Variants in PGBD2 observed in about 807,000 individuals in gnomAD.
PGBD2 encodes the protein piggyBac transposable element-derived protein 2.
In PGBD2, 6 loss-of-function variants were observed where a neutral mutation model predicts 8.1. The ratio of observed to expected loss-of-function variants is 0.74; its 90% confidence interval spans 0.40 to 1.46. The LOEUF is 1.46. Among genes scored for constraint, PGBD2 ranks in the 40% most tolerant of loss-of-function variants. The pLI, the probability that PGBD2 is intolerant of heterozygous loss-of-function variation, is 0.02. For missense variants in PGBD2, 802 were observed against 739.0 expected (o/e 1.09, Z -0.99); for synonymous variants, 318 against 272.2 (o/e 1.17, Z -1.66).
the PGBD2 span, among the ~76,000 whole-genome samples, chr1:248,880,433 T>C: frequency 6.6e-6 from 1 of 152,220 alleles, no homozygotes; most frequent in African/African-American, 2.4e-5. Context: ...TGTTCGAGTA[T>C]GGGAATTTTG....
In PGBD2 at chr1:248,917,810, T is replaced by C. The variant is rs140528740; in HGVS notation, c.1226T>C (p.Ile409Thr). ...DYKVDESEEI[I>T]VCRWHDSSVV... Reference sequence around the variant, plus strand: ...AAAGTCGATGAGAGTGAGGAGATCATCGTGTGCCGCTGGCACGATAGCAGC... The same window carrying C: ...AAAGTCGATGAGAGTGAGGAGATCACCGTGTGCCGCTGGCACGATAGCAGC... The change falls in exon 3 of 3, where the codon ATC (isoleucine) becomes ACC (threonine). Residue 409 changes from isoleucine to threonine, a missense_variant. Coordinates refer to ENST00000329291, the MANE Select transcript of PGBD2 (RefSeq NM_170725.3). 6.2e-7 allele frequency: 1 copy of C among 1,614,024 alleles called. No individual in the cohort carries two copies. The highest frequency in any genetic ancestry group is 1.3e-5 in the African/African-American group (1 of 74,894).
At position 248,919,126 on chromosome 1, in the gene PGBD2, A is replaced by G. The variant is rs966981961; in HGVS notation, c.*763A>G. The G allele has an allele frequency of 1.8e-5, 3 of 167,012 alleles. No homozygotes were observed. The highest frequency in any genetic ancestry group is 4.4e-5 in the Non-Finnish European group (3 of 68,118). 10.3% of individuals were successfully genotyped at this position (167,012 alleles called of 1,614,324 possible). On this transcript the variant is annotated 3_prime_UTR_variant, in exon 3 of 3. Coordinates refer to ENST00000329291, the MANE Select transcript of PGBD2 (RefSeq NM_170725.3). ...ACTGTTAGTTATTTTAAAATGTGCAATTAAATTATTTTTAACTATATTCAC... is the reference window on the plus strand; with the variant it reads ...ACTGTTAGTTATTTTAAAATGTGCAGTTAAATTATTTTTAACTATATTCAC...
the PGBD2 span, among the ~76,000 whole-genome samples, chr1:248,879,051 C>T: frequency 5.5e-3 from 838 of 152,252 alleles, 9 homozygotes; most frequent in African/African-American, 0.019. Context: ...AATTTGATGT[C>T]GTTACCTTTT....
chr1:248,893,246 AG>A, the PGBD2 span, among the ~76,000 whole-genome samples: 63 of 152,216 alleles, frequency 4.1e-4, no homozygotes, highest in African/African-American at 1.4e-3. Context: ...ATTCAACATG[AG>A]AAAAATCCTC....
At chr1:248,907,256 C>T (rs1471094621) in intron 1 of PGBD2, among the ~76,000 whole-genome samples, 1 of 152,232 alleles carries the variant, frequency 6.6e-6, no homozygotes, top group East Asian at 1.9e-4. Context: ...TTTCTCTCTG[C>T]CCAAACATTT....
chr1:248,886,737 A>G, the PGBD2 span, among the ~76,000 whole-genome samples: 2 of 152,296 alleles, frequency 1.3e-5, no homozygotes, highest in East Asian at 3.9e-4. Flanking sequence ...TCTGGGAATG[A>G]GGAATGTTGG....
intron 1 of PGBD2, among the ~76,000 whole-genome samples, chr1:248,906,985 A>G (rs1166652763): frequency 6.6e-6 from 1 of 152,086 alleles, no homozygotes; most frequent in Non-Finnish European, 1.5e-5. Flanking sequence ...GAGAAAAGAA[A>G]TAAGACACAG....
chr1:248,930,149 C>T, the PGBD2 span, among the ~76,000 whole-genome samples: 104 of 152,304 alleles, frequency 6.8e-4, no homozygotes, highest in African/African-American at 2.4e-3. Context: ...CTTGAGGCTT[C>T]GGCTGCTCAT....
chr1:248,915,632 A>G (rs1429294598), intron 2 of PGBD2, among the ~76,000 whole-genome samples: 2 of 152,200 alleles, frequency 1.3e-5, no homozygotes, highest in African/African-American at 4.8e-5. Context: ...GAGCACCTGT[A>G]TCACTCACCA....
At chr1:248,879,354 T>C in the PGBD2 span, among the ~76,000 whole-genome samples, 1 of 152,208 alleles carries the variant, frequency 6.6e-6, no homozygotes, top group East Asian at 1.9e-4. Flanking sequence ...CCCTGTTAAT[T>C]CATCTAATTA....
Position 248,916,725 on chromosome 1 carries a change from C to T in PGBD2, c.141C>T (p.Pro47=), listed in dbSNP as rs80272402. The T allele has an allele frequency of 1.7e-3, 2,802 of 1,614,102 alleles. 51 individuals carry two copies. In the African/African-American group the frequency reaches 0.033, roughly 19 times the overall value. The part of the protein sequence containing the change: ...NNREEIFIAP[P]DNAAGEFTDE... ...GGGAAGAGATTTTCATTGCACCTCC[C>T]GACAATGCTGCGGGGGAATTCACTG... Residue 47 remains proline (P), a synonymous_variant, in exon 3 of 3, where the codon CCC becomes CCT. Transcript: ENST00000329291.
chr1:248,916,895 C>T lies in PGBD2; in HGVS notation c.311C>T (p.Ala104Val), dbSNP rs1198146725. 1.2e-6 allele frequency: 2 copies of T among 1,614,030 alleles called. No individual in the cohort carries two copies. The highest frequency in any genetic ancestry group is 1.7e-5 in the Admixed American group (1 of 60,014). ...CAGCCAGCCAAGAAGAGGCAGAAAG[C>T]AGTTGTGAAACCTCAGCGCATTTGG... is the stretch of plus-strand genomic sequence containing the variant. ...ELQPAKKRQK[A>V]VVKPQRIWTK... The change falls in exon 3 of 3, where the codon GCA becomes GTA. Residue 104 changes from alanine to valine, a missense_variant. Transcript: ENST00000329291.
At chr1:248,876,017 T>A in the PGBD2 span, among the ~76,000 whole-genome samples, 1 of 151,478 alleles carries the variant, frequency 6.6e-6, no homozygotes, top group South Asian at 2.1e-4. Context: ...TTTTTTTTCC[T>A]TTTTCTTTGA....
At chr1:248,911,182 T>C (rs925453724) in intron 1 of PGBD2, among the ~76,000 whole-genome samples, 7 of 151,696 alleles carry the variant, frequency 4.6e-5, no homozygotes, top group African/African-American at 1.5e-4. Flanking sequence ...TTTGGCAGGG[T>C]CATAGGATAA....
At chr1:248,905,186 AT>A (rs984603540), upstream of PGBD2, among the ~76,000 whole-genome samples, 13 of 152,180 alleles carry the variant, frequency 8.5e-5, no homozygotes, top group Admixed American at 1.3e-4. Context: ...AATGAGCATG[AT>A]TTTTTTCTTC....
chr1:248,883,429 C>T, the PGBD2 span, among the ~76,000 whole-genome samples: 23 of 151,890 alleles, frequency 1.5e-4, no homozygotes. Flanking sequence ...GTCCTTTGCC[C>T]ATTTTTAAAT....
intron 1 of PGBD2, among the ~76,000 whole-genome samples, chr1:248,911,691 G>T (rs1308403332): frequency 6.7e-6 from 1 of 149,220 alleles, no homozygotes; most frequent in Non-Finnish European, 1.5e-5. Flanking sequence ...CCCAGTAGGG[G>T]CGGCTGGGCA....
At chr1:248,882,334 T>C in the PGBD2 span, among the ~76,000 whole-genome samples, 1 of 152,202 alleles carries the variant, frequency 6.6e-6, no homozygotes, top group African/African-American at 2.4e-5. Context: ...ATAACATCTG[T>C]ATGCAGAAGT....
chr1:248,905,430 T>C (rs1661604163), upstream of PGBD2, among the ~76,000 whole-genome samples: 1 of 151,690 alleles, frequency 6.6e-6, no homozygotes, highest in South Asian at 2.1e-4. Flanking sequence ...AAAGTCCTTA[T>C]AGAGCCGTGA....
Sources: gnomAD v4.1 joint callset for allele counts (sites outside exome capture counted in the v4.1 genomes callset) on GRCh38, gnomAD v4.1.1 for gene constraint, MANE v1.5 for transcripts, NCBI Gene and HGNC (gene_info 2026-07-23, HGNC 2026-07-21) for gene names.